The following UCHL1 variants were observed in gnomAD, a reference collection of about 807,000 sequenced individuals.
UCHL1 encodes the protein ubiquitin C-terminal hydrolase L1, also known as ubiquitin carboxyl-terminal hydrolase isozyme L1.
UCHL1 carries 5 observed loss-of-function variants against 33.3 expected under a neutral mutation model. The observed-to-expected ratio is 0.15, with a 90% CI of 0.08 to 0.32. UCHL1 has a LOEUF of 0.32. Among genes scored for constraint, UCHL1 ranks in the 10% least tolerant of loss-of-function variants. UCHL1 has a pLI of 1.00. For missense variants in UCHL1, 236 were observed against 280.0 expected (o/e 0.84, Z 1.12); for synonymous variants, 132 against 108.8 (o/e 1.21, Z -1.33).
At position 41,261,812 on chromosome 4, in the gene UCHL1, T is replaced by TA. The variant is rs763168187; in HGVS notation, c.411+13dup. ...TTGAAAAGAATGAGGTAAGAGAACT[T>TA]ACAGAGCATGGCCTTTAAATAACTC... On this transcript the variant is annotated intron_variant, in intron 5 of 8. Coordinates refer to ENST00000284440, the MANE Select transcript of UCHL1 (RefSeq NM_004181.5). 2 of 1,614,186 alleles carry TA rather than the reference T, an allele frequency of 1.2e-6. No homozygotes were observed. The highest frequency in any genetic ancestry group is 1.3e-5 in the African/African-American group (1 of 75,052).
chr4:41,256,930 CTG>C lies in UCHL1; in HGVS notation c.-45_-44del, dbSNP rs1780981666. ...GCTGCAGCCTGGGCGGCTCCGCTAG[CTG>C]TTTTTCGTCTTCCCTAGGCTATTTC... is the stretch of plus-strand genomic sequence containing the variant. On this transcript the variant is annotated 5_prime_UTR_variant, in exon 1 of 9. Coordinates refer to ENST00000284440, the MANE Select transcript of UCHL1 (RefSeq NM_004181.5). 4 of 1,613,806 alleles carry C rather than the reference CTG, an allele frequency of 2.5e-6. No individual in the cohort carries two copies. The highest frequency in any genetic ancestry group is 1.1e-5 in the South Asian group (1 of 91,082).
chr4:41,262,882 G>A (rs1433525981), intron 6 of UCHL1, among the ~76,000 whole-genome samples: 4 of 152,072 alleles, frequency 2.6e-5, no homozygotes, highest in Admixed American at 6.5e-5. Flanking sequence ...TGCTAGTATT[G>A]CAGGTGTGAG....
At chr4:41,258,789 C>T (rs1488700573) in intron 3 of UCHL1, among the ~76,000 whole-genome samples, 2 of 152,186 alleles carry the variant, frequency 1.3e-5, no homozygotes, top group African/African-American at 4.8e-5. Flanking sequence ...TGGGTAAAAA[C>T]ACTTATTTAC....
At chr4:41,265,982 G>T (rs1781146036) in intron 8 of UCHL1, among the ~76,000 whole-genome samples, 1 of 151,754 alleles carries the variant, frequency 6.6e-6, no homozygotes, top group Non-Finnish European at 1.5e-5. Flanking sequence ...AGCTTTTAAG[G>T]TACATGCTAA....
intron 3 of UCHL1, among the ~76,000 whole-genome samples, chr4:41,259,503 T>G (rs980485109): frequency 6.6e-6 from 1 of 152,220 alleles, no homozygotes; most frequent in African/African-American, 2.4e-5. Flanking sequence ...AAAGTTCTGC[T>G]AGTTGGAGTT....
chr4:41,264,648 TC>T (rs1332453818), intron 8 of UCHL1, among the ~76,000 whole-genome samples: 3 of 152,154 alleles, frequency 2.0e-5, no homozygotes, highest in Non-Finnish European at 4.4e-5. Flanking sequence ...AGATTTAAAA[TC>T]CACCTGACAA....
At position 41,263,556 on chromosome 4, in the gene UCHL1, T is replaced by G. The variant is rs186464888; in HGVS notation, c.526+265T>G. 9.2e-4 allele frequency among the ~76,000 whole-genome samples: 140 copies of G among 152,334 alleles called. 1 individual carries two copies. Among genetic ancestry groups the G allele is most frequent in the African/African-American group, 3.3e-3 (136 of 41,566 alleles). ...GATCAGTGCCTGAATATGACCTTAC[T>G]TGTCTAAAAAGAATCTGAACATGTT... On this transcript the variant is annotated intron_variant, in intron 7 of 8. Transcript: ENST00000284440.
intron 8 of UCHL1, among the ~76,000 whole-genome samples, chr4:41,267,569 G>A (rs1580928958): frequency 6.6e-6 from 1 of 152,148 alleles, no homozygotes; most frequent in East Asian, 1.9e-4. Context: ...TTTTTAAAAT[G>A]TTTATTTGAA....
At position 41,261,729 on chromosome 4, in the gene UCHL1, C is replaced by G. The variant is rs1420548378; in HGVS notation, c.340C>G (p.Leu114Val). 3.1e-6 allele frequency: 5 copies of G among 1,612,350 alleles called. No homozygotes were observed. The Admixed American group carries it at 8.3e-5, about 27-fold the overall frequency. The change falls in exon 5 of 9, where the codon CTG (leucine) becomes GTG (valine). Residue 114 changes from leucine (L) to valine (V), a missense_variant. By Grantham distance (32) the Leu-to-Val change is conservative. Transcript: ENST00000284440. ...DKLGFEDGSV[L>V]KQFLSETEKM... ...TTTTTTTTAAGAGGATGGATCAGTT[C>G]TGAAACAGTTTCTTTCTGAAACAGA...
In UCHL1 at chr4:41,268,018, A is replaced by C. The variant is rs1366076857; in HGVS notation, c.617A>C (p.Glu206Ala). ...DAAKVCREFT[E>A]REQGEVRFSA... ...GCCAAGGTCTGCAGAGAATTCACCG[A>C]GCGTGAGCAAGGAGAAGTCCGCTTC... The change falls in exon 9 of 9, where the codon GAG becomes GCG. Residue 206 changes from glutamate to alanine, a missense_variant. Coordinates refer to ENST00000284440, the MANE Select transcript of UCHL1 (RefSeq NM_004181.5). 1 of 1,613,592 alleles carries C rather than the reference A, an allele frequency of 6.2e-7. No homozygotes were observed. The highest frequency in any genetic ancestry group is 2.2e-5 in the East Asian group (1 of 44,898).
At chr4:41,266,646 G>T (rs1010687347) in intron 8 of UCHL1, among the ~76,000 whole-genome samples, 2 of 152,042 alleles carry the variant, frequency 1.3e-5, no homozygotes, top group Admixed American at 1.3e-4. Context: ...TTTGAGAAAG[G>T]GTCTCGCTGT....
rs75480713 is a variant in UCHL1 at position 41,266,521 on chromosome 4, G to T, written c.586-1466G>T. ...CATCTTTAATAGTGAAATCAATATT[G>T]TATGTCCTATAGTAAGGTCAATTCA... is the stretch of plus-strand genomic sequence containing the variant. On this transcript the variant is annotated intron_variant, in intron 8 of 8. Transcript: ENST00000284440. Among the ~76,000 whole-genome samples, 59 of 152,216 alleles carry T rather than the reference G, an allele frequency of 3.9e-4. 1 individual carries two copies. The East Asian group carries it at 0.011, about 29-fold the overall frequency.
intron 8 of UCHL1, among the ~76,000 whole-genome samples, chr4:41,266,226 C>CTTTT (rs71650920): frequency 4.4e-5 from 6 of 136,800 alleles, no homozygotes; most frequent in African/African-American, 8.4e-5. Flanking sequence ...CTGGCTAAAA[C>CTTTT]TTTTTTTTTT....
chr4:41,257,863 G>T, intron 3 of UCHL1, 126 bp downstream of exon 3: 1 of 1,381,314 alleles, frequency 7.2e-7, no homozygotes, highest in African/African-American at 1.5e-5. Flanking sequence ...TACAAGGAAG[G>T]GAGGAGCCTG....
chr4:41,257,435 C>T (rs1430427973), intron 2 of UCHL1, 174 bp from the exon 3 acceptor site: 19 of 1,004,824 alleles, frequency 1.9e-5, no homozygotes, highest in Non-Finnish European at 2.6e-5. Flanking sequence ...GTGTGGGCCG[C>T]GCTTTGTGCT....
chr4:41,266,045 G>T (rs1781147353), intron 8 of UCHL1, among the ~76,000 whole-genome samples: 1 of 152,102 alleles, frequency 6.6e-6, no homozygotes, highest in African/African-American at 2.4e-5. Context: ...TAGGATACAA[G>T]TGTCACATGA....
chr4:41,264,049 C>T (rs998639650), intron 7 of UCHL1, 54 bp from the exon 8 acceptor site: 156 of 1,608,214 alleles, frequency 9.7e-5, no homozygotes, highest in Non-Finnish European at 1.1e-4. Context: ...TAGGTAAGCA[C>T]GGTAGCCAGA....
chr4:41,258,078 T>A (rs1210427320), intron 3 of UCHL1, among the ~76,000 whole-genome samples: 1 of 152,250 alleles, frequency 6.6e-6, no homozygotes, highest in African/African-American at 2.4e-5. Context: ...GAATGGCTGC[T>A]GGTTTCCCTT....
intron 8 of UCHL1, among the ~76,000 whole-genome samples, chr4:41,265,080 G>C (rs1781130296): frequency 6.6e-6 from 1 of 152,190 alleles, no homozygotes. Flanking sequence ...GTATGTAGCT[G>C]TTTTCCACCA....
Sources: gnomAD v4.1 joint callset for allele counts (sites outside exome capture counted in the v4.1 genomes callset) on GRCh38, gnomAD v4.1.1 for gene constraint, MANE v1.5 for transcripts, NCBI Gene and HGNC (gene_info 2026-07-23, HGNC 2026-07-21) for gene names.